The following ZNF362 variants were observed in gnomAD, a reference collection of about 807,000 sequenced individuals.
The protein encoded by ZNF362 is zinc finger protein 362.
ZNF362 carries 11 observed loss-of-function variants against 42.9 expected under a neutral mutation model. That is an observed-to-expected ratio of 0.26 (90% confidence interval 0.16 to 0.42). ZNF362 has a LOEUF of 0.42. Ranked by LOEUF, ZNF362 falls within the 20% of genes least tolerant of loss-of-function variation. ZNF362 has a pLI of 1.00. For missense variants in ZNF362, 362 were observed against 576.2 expected (o/e 0.63, Z 3.81); for synonymous variants, 255 against 257.3 (o/e 0.99, Z 0.09).
the ZNF362 span, among the ~76,000 whole-genome samples, chr1:33,153,166 C>T: frequency 1.3e-5 from 2 of 152,164 alleles, no homozygotes; most frequent in African/African-American, 4.8e-5. Context: ...CTGCTAGAAT[C>T]CATGGGCTAG....
chr1:33,156,636 C>T, the ZNF362 span, among the ~76,000 whole-genome samples: 1 of 152,162 alleles, frequency 6.6e-6, no homozygotes, highest in Non-Finnish European at 1.5e-5. Context: ...TATCCGCCCC[C>T]ACTTCCTAGG....
At chr1:33,253,026 A>G (rs981538966), upstream of ZNF362, among the ~76,000 whole-genome samples, 2 of 151,806 alleles carry the variant, frequency 1.3e-5, no homozygotes, top group African/African-American at 2.4e-5. Flanking sequence ...GAACCAAAGG[A>G]AAGTGCCCTT....
rs1051482152 is a variant in ZNF362, at chr1:33,284,753, T to A, written c.908+2942T>A. On this transcript the variant is annotated intron_variant, in intron 6 of 8. Coordinates refer to ENST00000539719, the MANE Select transcript of ZNF362 (RefSeq NM_152493.3). ...ACAGTAATAAAGAAAAAAAAAGACC[T>A]TTAGAAAATTAGAACATTAAGGGTG... 1.1e-4 allele frequency among the ~76,000 whole-genome samples: 17 copies of A among 152,244 alleles called. No individual in the cohort carries two copies. The East Asian group carries it at 2.7e-3, about 24-fold the overall frequency.
At chr1:33,288,273 G>A (rs1646046179) in intron 6 of ZNF362, among the ~76,000 whole-genome samples, 1 of 152,208 alleles carries the variant, frequency 6.6e-6, no homozygotes, top group Non-Finnish European at 1.5e-5. Flanking sequence ...TCAGAAAGAA[G>A]GAAGGGCTGG....
At chr1:33,290,237 C>T (rs943022210) in intron 6 of ZNF362, among the ~76,000 whole-genome samples, 17 of 152,228 alleles carry the variant, frequency 1.1e-4, no homozygotes, top group South Asian at 4.2e-4. Context: ...CAACAAGCCC[C>T]GGTGTGTGAT....
the ZNF362 span, among the ~76,000 whole-genome samples, chr1:33,148,678 A>G: frequency 6.6e-6 from 1 of 152,236 alleles, no homozygotes. Flanking sequence ...GTATCTATGT[A>G]CATATACACA....
At chr1:33,174,918 TACACAC>T in the ZNF362 span, among the ~76,000 whole-genome samples, 2 of 137,382 alleles carry the variant, frequency 1.5e-5, no homozygotes, top group South Asian at 2.3e-4. Flanking sequence ...TATATATATA[TACACAC>T]ACACACATAC....
intron 8 of ZNF362, among the ~76,000 whole-genome samples, chr1:33,296,745 G>A (rs1230400031): frequency 6.6e-6 from 1 of 152,112 alleles, no homozygotes; most frequent in East Asian, 1.9e-4. Context: ...GTCAGTTGGG[G>A]CCTTGGGGCT....
At chr1:33,286,270 A>G (rs943759545) in intron 6 of ZNF362, among the ~76,000 whole-genome samples, 2 of 152,208 alleles carry the variant, frequency 1.3e-5, no homozygotes, top group African/African-American at 4.8e-5. Context: ...GCGACAGCAC[A>G]AAGTTGACAG....
chr1:33,250,894 A>AGAG, the ZNF362 span, among the ~76,000 whole-genome samples: 1 of 150,666 alleles, frequency 6.6e-6, no homozygotes, highest in African/African-American at 2.5e-5. Flanking sequence ...AAGAAGAAGA[A>AGAG]GGAGAAGAAG....
Position 33,300,635 on chromosome 1 carries a change from T to TA in ZNF362, c.*1592dup, listed in dbSNP as rs2148150335. On this transcript the variant is annotated 3_prime_UTR_variant, in exon 9 of 9. Transcript: ENST00000539719. ...AAAATCAAATGTGGGGGGAAAACAC[T>TA]AAAGGGGGCAAGAAACAAAGGAATT... is the stretch of plus-strand genomic sequence containing the variant. 6.6e-6 allele frequency: 1 copy of TA among 151,620 alleles called. No homozygotes were observed. Among genetic ancestry groups the TA allele is most frequent in the East Asian group, 1.9e-4 (1 of 5,160 alleles). 9.4% of individuals were successfully genotyped at this position (151,620 alleles called of 1,614,324 possible). A position where few individuals can be genotyped will look rare whatever the true frequency, so the allele number is the denominator to read the frequency against.
At chr1:33,184,091 C>T in the ZNF362 span, among the ~76,000 whole-genome samples, 1 of 150,142 alleles carries the variant, frequency 6.7e-6, no homozygotes, top group South Asian at 2.1e-4. Context: ...CATTATTCAA[C>T]ATGTATTTAC....
chr1:33,138,543 T>C, the ZNF362 span, among the ~76,000 whole-genome samples: 1 of 151,004 alleles, frequency 6.6e-6, no homozygotes, highest in African/African-American at 2.4e-5. Context: ...TCCTAGCTAG[T>C]TGGGAGGCTG....
At chr1:33,165,491 G>C in the ZNF362 span, 5 of 1,607,388 alleles carry the variant, frequency 3.1e-6, no homozygotes, top group Non-Finnish European at 4.2e-6. This position sits in a 1 kb window ranked among gnomAD's most constrained non-coding sequence, Gnocchi z 4.0. Flanking sequence ...GCCAGTTGTC[G>C]CTTGAGCAGC....
At chr1:33,205,609 T>C in the ZNF362 span, among the ~76,000 whole-genome samples, 1 of 152,000 alleles carries the variant, frequency 6.6e-6, no homozygotes, top group Non-Finnish European at 1.5e-5. Flanking sequence ...TATTTTGGTA[T>C]TGGTATCAAG....
chr1:33,218,256 C>T, the ZNF362 span, among the ~76,000 whole-genome samples: 55 of 152,148 alleles, frequency 3.6e-4, no homozygotes, highest in African/African-American at 1.3e-3. Flanking sequence ...GCCTGGGCAA[C>T]ATAGGGAGAT....
chr1:33,201,938 A>T, the ZNF362 span, among the ~76,000 whole-genome samples: 1 of 152,236 alleles, frequency 6.6e-6, no homozygotes, highest in South Asian at 2.1e-4. Context: ...GGGTGACATC[A>T]CCACAGATTC....
At chr1:33,146,899 A>C in the ZNF362 span, 2 of 459,716 alleles carry the variant, frequency 4.4e-6, no homozygotes, top group Non-Finnish European at 3.9e-6. Context: ...GATGGGGATG[A>C]GGGTTGGGCA....
At chr1:33,256,277 C>T (rs1337882919), upstream of ZNF362, among the ~76,000 whole-genome samples, 1 of 143,658 alleles carries the variant, frequency 7.0e-6, no homozygotes, top group African/African-American at 2.5e-5. Context: ...CGGCCCCCTC[C>T]CCTCTCGCGC....
Sources: allele counts gnomAD v4.1 joint callset (sites outside exome capture counted in the v4.1 genomes callset), GRCh38; gene constraint gnomAD v4.1.1; non-coding constraint Gnocchi (gnomAD v3.1); transcripts MANE v1.5; gene names NCBI Gene and HGNC (gene_info 2026-07-23, HGNC 2026-07-21).